The following UBE3A variants were observed in gnomAD, a reference collection of about 807,000 sequenced individuals.
UBE3A encodes the protein ubiquitin protein ligase E3A.
UBE3A carries 6 observed loss-of-function variants against 83.4 expected under a neutral mutation model. The observed-to-expected ratio is 0.07, with a 90% CI of 0.04 to 0.14. The LOEUF (loss-of-function observed/expected upper bound fraction) is 0.14. UBE3A is among the 10% of genes least tolerant of loss of function. UBE3A has a pLI of 1.00. For missense variants in UBE3A, 456 were observed against 1,036.1 expected, an observed-to-expected ratio of 0.44 and a Z score of 7.69; for synonymous variants, 337 against 355.4, an observed-to-expected ratio of 0.95 and a Z score of 0.58.
intron 1 of UBE3A, chr15:25,415,671 A>T (rs920846852): frequency 1.3e-5 from 2 of 152,090 alleles, no homozygotes; most frequent in Non-Finnish European, 2.9e-5. Context: ...ATACCATAAA[A>T]TAATTTATTA....
intron 1 of UBE3A, among the ~76,000 whole-genome samples, chr15:25,432,694 T>C (rs567648374): frequency 1.3e-5 from 2 of 152,334 alleles, no homozygotes; most frequent in East Asian, 3.9e-4. Context: ...GATGAACTTC[T>C]GGAACACACA....
At chr15:25,388,317 T>C (rs1001126364) in intron 4 of UBE3A, among the ~76,000 whole-genome samples, 1 of 152,138 alleles carries the variant, frequency 6.6e-6, no homozygotes. Context: ...TGGTTCAATA[T>C]TGGAAAATCA....
chr15:25,338,028 T>TTAAG lies in UBE3A; in HGVS notation c.*1105_*1108dup. 6.6e-6 allele frequency: 1 copy of TTAAG among 152,240 alleles called. No homozygotes were observed. The highest frequency in any genetic ancestry group is 2.1e-4 in the South Asian group (1 of 4,826). The allele number at this position is 152,240 out of a possible 1,614,324, so 9.4% of individuals were successfully genotyped here. A position where few individuals can be genotyped will look rare whatever the true frequency, so the allele number is the denominator to read the frequency against. On this transcript the variant is annotated 3_prime_UTR_variant, in exon 13 of 13. Transcript: ENST00000648336. Reference sequence around the variant, plus strand: ...ATTTCCAGGTCAGCTTACTGTATGATTAAGTAACACAAGGCACAGTAGCCA... The same window carrying TTAAG: ...ATTTCCAGGTCAGCTTACTGTATGATTAAGTAAGTAACACAAGGCACAGTAGCCA...
intron 4 of UBE3A, among the ~76,000 whole-genome samples, chr15:25,381,542 T>C (rs891602313): frequency 5.3e-5 from 8 of 152,170 alleles, no homozygotes; most frequent in Admixed American, 3.3e-4. Context: ...GAGTGACCTT[T>C]ATATTATACA....
intron 11 of UBE3A, among the ~76,000 whole-genome samples, chr15:25,343,112 T>A (rs2152540528): frequency 6.6e-6 from 1 of 152,238 alleles, no homozygotes; most frequent in Non-Finnish European, 1.5e-5. Context: ...CCAAGACCCC[T>A]AAAGCCACAC....
intron 4 of UBE3A, among the ~76,000 whole-genome samples, chr15:25,378,284 C>G (rs1351535335): frequency 2.0e-5 from 3 of 152,074 alleles, no homozygotes; most frequent in Non-Finnish European, 2.9e-5. Context: ...TCAGCACAAA[C>G]AGAACGAGAC....
At chr15:25,408,439 G>C in intron 3 of UBE3A, 1 of 832,510 alleles carries the variant, frequency 1.2e-6, no homozygotes, top group Non-Finnish European at 1.9e-6. Context: ...AAGTGTGTCA[G>C]AATAACAAGT....
intron 1 of UBE3A, among the ~76,000 whole-genome samples, chr15:25,417,761 A>C (rs2153122665): frequency 6.6e-6 from 1 of 152,206 alleles, no homozygotes; most frequent in East Asian, 1.9e-4. Flanking sequence ...TGACCTGTGG[A>C]TAATACCAAA....
At position 25,370,664 on chromosome 15, in the gene UBE3A, T is replaced by A; in HGVS notation, c.1510A>T (p.Ile504Phe). 6.2e-7 allele frequency: 1 copy of A among 1,614,096 alleles called. No homozygotes were observed. The highest frequency in any genetic ancestry group is 2.2e-5 in the East Asian group (1 of 44,862). Residue 504 changes from isoleucine (I) to phenylalanine (F), a missense_variant, in exon 6 of 13, where the codon ATC (isoleucine) becomes TTC (phenylalanine). Physicochemically the swap from Ile to Phe is conservative, Grantham distance 21. Around this residue, in one of 13 missense-constraint regions of UBE3A, gnomAD observed 58 missense variants for 237.1 expected, o/e 0.24. Coordinates refer to ENST00000648336, the MANE Select transcript of UBE3A (RefSeq NM_130839.5). This position sits in a 1 kb window ranked among gnomAD's most constrained non-coding sequence, Gnocchi z 4.2. ...NRIRMYSERRITVLYSLVQGQ... is the reference protein window; with the variant it reads ...NRIRMYSERRFTVLYSLVQGQ... ...TGAACTAAGCTGTAGAGAACAGTGA[T>A]TCTTCGTTCACTGTACATGCGAATT...
At chr15:25,378,688 T>C (rs965588154) in intron 4 of UBE3A, among the ~76,000 whole-genome samples, 1 of 152,138 alleles carries the variant, frequency 6.6e-6, no homozygotes, top group Non-Finnish European at 1.5e-5. Flanking sequence ...TTGACTATAT[T>C]GTTTTGCAGA....
At chr15:25,360,589 A>C in intron 6 of UBE3A, 62 bp from the exon 7 acceptor site, 1 of 1,574,606 alleles carries the variant, frequency 6.4e-7, no homozygotes, top group Non-Finnish European at 8.6e-7. Context: ...AAAAAACAAA[A>C]TAAAAACAAG....
At chr15:25,362,401 A>G (rs184065527) in intron 6 of UBE3A, among the ~76,000 whole-genome samples, 32 of 152,254 alleles carry the variant, frequency 2.1e-4, no homozygotes, top group Admixed American at 1.4e-3. Context: ...ACTAGTCCCA[A>G]CTCTCACTTA....
In UBE3A at chr15:25,408,666, T is replaced by C. The variant is rs1189799261; in HGVS notation, c.20+422A>G. 2.5e-6 allele frequency: 4 copies of C among 1,613,502 alleles called. No homozygotes were observed. The Admixed American group carries it at 5.0e-5, about 20-fold the overall frequency. ...TTCTCCATCCTGCAAGCCACTCCTT[T>C]TACCTCCACTGTAACTCTCTAGGAG... On this transcript the variant is annotated intron_variant, in intron 3 of 12. Transcript: ENST00000648336.
At chr15:25,403,735 T>C (rs2087740226) in intron 4 of UBE3A, among the ~76,000 whole-genome samples, 2 of 152,066 alleles carry the variant, frequency 1.3e-5, no homozygotes, top group South Asian at 2.1e-4. Flanking sequence ...ATAAGCAAAA[T>C]GTGGTATATA....
intron 4 of UBE3A, among the ~76,000 whole-genome samples, chr15:25,403,746 C>T (rs911034234): frequency 6.6e-6 from 1 of 152,108 alleles, no homozygotes. Context: ...GTGGTATATA[C>T]ATACAATAAA....
intron 7 of UBE3A, among the ~76,000 whole-genome samples, chr15:25,360,068 T>C (rs894020882): frequency 6.6e-6 from 1 of 152,180 alleles, no homozygotes; most frequent in Admixed American, 6.5e-5. Flanking sequence ...ATGATGGTTT[T>C]AGACAACAAA....
intron 11 of UBE3A, among the ~76,000 whole-genome samples, chr15:25,351,314 A>G (rs2076464781): frequency 6.6e-6 from 1 of 152,196 alleles, no homozygotes; most frequent in Non-Finnish European, 1.5e-5. Context: ...AAAGAATTCG[A>G]GTATCACAAT....
At chr15:25,429,060 A>G (rs1892257454) in intron 1 of UBE3A, among the ~76,000 whole-genome samples, 1 of 152,216 alleles carries the variant, frequency 6.6e-6, no homozygotes, top group African/African-American at 2.4e-5. Flanking sequence ...ATCAACATAT[A>G]CACCTCAAAA....
intron 4 of UBE3A, among the ~76,000 whole-genome samples, chr15:25,380,220 G>A (rs924578027): frequency 6.6e-6 from 1 of 152,054 alleles, no homozygotes; most frequent in Admixed American, 6.6e-5. Flanking sequence ...CCATGTGGAA[G>A]TGTAAGTCCA....
Sources: gnomAD v4.1 joint callset for allele counts (sites outside exome capture counted in the v4.1 genomes callset) on GRCh38, gnomAD v4.1.1 for gene constraint, gnomAD v4.1.1 regional missense constraint, Gnocchi (gnomAD v3.1) non-coding constraint, MANE v1.5 for transcripts, NCBI Gene and HGNC (gene_info 2026-07-23, HGNC 2026-07-21) for gene names.